Variants in TMLHE observed in about 807,000 individuals in gnomAD.
TMLHE encodes trimethyllysine hydroxylase, epsilon.
In TMLHE, 18 loss-of-function variants were observed where a neutral mutation model predicts 25.7. The ratio of observed to expected loss-of-function variants is 0.70; its 90% confidence interval spans 0.48 to 1.04. The LOEUF (loss-of-function observed/expected upper bound fraction) is 1.04, where lower values mean the gene tolerates loss of function less well. TMLHE is among the 50% of genes least tolerant of loss of function. The pLI is 0.00. For synonymous variants in TMLHE, 105 were observed against 97.0 expected (o/e 1.08, Z -0.49); for missense variants, 236 against 259.0 (o/e 0.91, Z 0.61).
At chrX:155,572,567 G>A (rs370702217) in intron 1 of TMLHE, among the ~76,000 whole-genome samples, 1 of 56,916 alleles carries the variant, frequency 1.8e-5, no homozygotes, top group African/African-American at 4.2e-5. Context: ...GAGGCATCAC[G>A]CTACCTGACT....
chrX:155,510,406 C>G (rs1465924703), intron 5 of TMLHE, among the ~76,000 whole-genome samples: 6 of 71,433 alleles, frequency 8.4e-5, no homozygotes, highest in African/African-American at 1.0e-4. Flanking sequence ...CCCCTCCCCC[C>G]ACCCCACAAC....
intron 3 of TMLHE, among the ~76,000 whole-genome samples, chrX:155,516,010 C>CT (rs782343831): frequency 0.36 from 24,241 of 66,830 alleles, 3,843 homozygotes; most frequent in African/African-American, 0.56. Context: ...TTGTACTTTT[C>CT]TTCTTTTTTT....
intron 5 of TMLHE, among the ~76,000 whole-genome samples, 158 bp downstream of exon 5, chrX:155,511,515 G>C (rs1221476533): frequency 9.1e-6 from 1 of 110,199 alleles, no homozygotes; most frequent in African/African-American, 3.3e-5. Context: ...ACTGAGTTAA[G>C]GTATTTCAAA....
chrX:155,509,956 G>A (rs1158805412), intron 5 of TMLHE, among the ~76,000 whole-genome samples: 2 of 111,301 alleles, frequency 1.8e-5, no homozygotes, highest in South Asian at 3.7e-4. Context: ...ATCTTATTCC[G>A]TGTGAAGAAG....
At position 155,514,267 on chromosome X, in the gene TMLHE, T is replaced by C. The variant is rs782792356; in HGVS notation, c.359-2A>G. On this transcript the variant is annotated splice_acceptor_variant, in intron 3 of 7. Transcript: ENST00000334398. LOFTEE classifies it high-confidence loss of function. ...ATTTAGTCACATGACCATCTGGCCC[T>C]TTTAAGGGGAAAAATAAAAGGCACT... 2.5e-6 allele frequency: 3 copies of C among 1,186,937 alleles called. No individual in the cohort carries two copies. Among genetic ancestry groups the C allele is most frequent in the Admixed American group, 2.4e-5 (1 of 42,492 alleles).
At chrX:155,543,289 T>C (rs942738806) in intron 2 of TMLHE, among the ~76,000 whole-genome samples, 1 of 111,623 alleles carries the variant, frequency 9.0e-6, no homozygotes, top group South Asian at 3.7e-4. Flanking sequence ...AATAATCTTA[T>C]ATATAGAAAA....
intron 2 of TMLHE, among the ~76,000 whole-genome samples, chrX:155,530,536 T>C (rs782048229): frequency 8.9e-6 from 1 of 111,892 alleles, no homozygotes; most frequent in Non-Finnish European, 1.9e-5. Flanking sequence ...TTTTGGATTT[T>C]TGCTAAATGA....
intron 1 of TMLHE, among the ~76,000 whole-genome samples, chrX:155,593,411 A>T (rs2067703469): frequency 8.9e-6 from 1 of 112,256 alleles, no homozygotes; most frequent in South Asian, 3.7e-4. Context: ...GGCCCCGTCC[A>T]GTATCACAGG....
chrX:155,505,807 A>G (rs1185840064), intron 6 of TMLHE, among the ~76,000 whole-genome samples: 1 of 111,834 alleles, frequency 8.9e-6, no homozygotes, highest in Non-Finnish European at 1.9e-5. Flanking sequence ...TTTCATCTGC[A>G]GTGTCAAGAA....
At chrX:155,589,112 A>C (rs187519649) in intron 1 of TMLHE, among the ~76,000 whole-genome samples, 4 of 111,960 alleles carry the variant, frequency 3.6e-5, no homozygotes, top group Non-Finnish European at 5.6e-5. Flanking sequence ...GATAAAGAAA[A>C]ATTTGGTATA....
chrX:155,542,937 T>G (rs1258873474), intron 2 of TMLHE, among the ~76,000 whole-genome samples: 6 of 109,061 alleles, frequency 5.5e-5, no homozygotes, highest in East Asian at 2.9e-4. Flanking sequence ...TTTTAAGGGG[T>G]GTGTGTGTGT....
rs781964548 is a variant in TMLHE at position 155,601,230 on chromosome X, C to T, written c.-2+11562G>A. 7.2e-5 allele frequency among the ~76,000 whole-genome samples: 8 copies of T among 111,743 alleles called. No homozygotes were observed. The South Asian group carries it at 3.0e-3, about 42-fold the overall frequency. ...TCCTTGAGCTAAAAGGAAATGACAC[C>T]AGATGGTAACTTGAATCCATAGGAA... On this transcript the variant is annotated intron_variant, in intron 1 of 7. Coordinates refer to ENST00000334398, the MANE Select transcript of TMLHE (RefSeq NM_018196.4).
At chrX:155,581,555 A>G (rs868993634) in intron 1 of TMLHE, among the ~76,000 whole-genome samples, 1 of 111,172 alleles carries the variant, frequency 9.0e-6, no homozygotes, top group African/African-American at 3.3e-5. Flanking sequence ...CCAAATCATG[A>G]GTGAACTCCC....
intron 2 of TMLHE, among the ~76,000 whole-genome samples, chrX:155,530,311 C>A (rs1444221882): frequency 9.0e-6 from 1 of 110,786 alleles, no homozygotes; most frequent in Non-Finnish European, 1.9e-5. Flanking sequence ...GTGAAATAAA[C>A]CAGATACAGA....
chrX:155,555,808 C>T (rs1197380969), intron 1 of TMLHE, among the ~76,000 whole-genome samples: 1 of 110,284 alleles, frequency 9.1e-6, no homozygotes, highest in Admixed American at 9.6e-5. Flanking sequence ...AATTTTCTCC[C>T]ATTCTGTAGG....
At chrX:155,555,634 A>G (rs2067447323) in intron 1 of TMLHE, among the ~76,000 whole-genome samples, 1 of 111,189 alleles carries the variant, frequency 9.0e-6, no homozygotes, top group Non-Finnish European at 1.9e-5. Flanking sequence ...ACCAGTGATG[A>G]TGAGCATTTT....
chrX:155,577,460 T>C (rs2067597969), intron 1 of TMLHE, among the ~76,000 whole-genome samples: 1 of 109,166 alleles, frequency 9.2e-6, no homozygotes, highest in African/African-American at 3.3e-5. Flanking sequence ...GCACTTGTAG[T>C]CCCAGATACT....
chrX:155,548,284 A>G (rs1230344170), intron 1 of TMLHE, among the ~76,000 whole-genome samples: 1 of 111,935 alleles, frequency 8.9e-6, no homozygotes, highest in Non-Finnish European at 1.9e-5. Flanking sequence ...ACATCAAAGG[A>G]TACAACCAAC....
chrX:155,573,715 C>T (rs2067571414), intron 1 of TMLHE, among the ~76,000 whole-genome samples: 1 of 52,526 alleles, frequency 1.9e-5, no homozygotes, highest in African/African-American at 4.6e-5. Context: ...TCATCATTCT[C>T]AGTAAACTAT....
Sources: gnomAD v4.1 joint callset for allele counts (sites outside exome capture counted in the v4.1 genomes callset) on GRCh38, gnomAD v4.1.1 for gene constraint, MANE v1.5 for transcripts, NCBI Gene and HGNC (gene_info 2026-07-23, HGNC 2026-07-21) for gene names.